The following HPSE2 variants were observed in gnomAD, a reference collection of about 807,000 sequenced individuals.
The protein encoded by HPSE2 is heparanase 2 (inactive).
HPSE2 carries 38 observed loss-of-function variants against 60.5 expected under a neutral mutation model. The observed-to-expected ratio is 0.63, with a 90% CI of 0.48 to 0.82. The LOEUF is 0.82. Among genes scored for constraint, HPSE2 ranks in the 40% least tolerant of loss-of-function variants. HPSE2 has a pLI of 0.00. For missense variants in HPSE2, 713 were observed against 740.4 expected (o/e 0.96, Z 0.43); for synonymous variants, 295 against 293.2 (o/e 1.01, Z -0.06).
intron 7 of HPSE2, among the ~76,000 whole-genome samples, chr10:98,621,729 C>T (rs1346760039): frequency 6.6e-6 from 1 of 152,236 alleles, no homozygotes; most frequent in Non-Finnish European, 1.5e-5. Flanking sequence ...GACCATTAAC[C>T]CCTTGCCCCT....
intron 11 of HPSE2, among the ~76,000 whole-genome samples, chr10:98,472,296 T>C (rs925558076): frequency 2.0e-5 from 3 of 152,102 alleles, no homozygotes; most frequent in Non-Finnish European, 4.4e-5. Context: ...GTGTTTAGAG[T>C]AAGTACCACT....
At chr10:99,098,885 G>A (rs1299332250) in intron 3 of HPSE2, among the ~76,000 whole-genome samples, 1 of 152,162 alleles carries the variant, frequency 6.6e-6, no homozygotes, top group African/African-American at 2.4e-5. Context: ...TCATAAACTA[G>A]TACATAAAGA....
intron 3 of HPSE2, among the ~76,000 whole-genome samples, chr10:98,827,443 T>C (rs1459702401): frequency 6.6e-6 from 1 of 152,150 alleles, no homozygotes; most frequent in East Asian, 1.9e-4. Context: ...CCTGACTTCG[T>C]GATCCGCCCA....
At chr10:98,829,092 G>A (rs1462177107) in intron 3 of HPSE2, among the ~76,000 whole-genome samples, 2 of 152,132 alleles carry the variant, frequency 1.3e-5, no homozygotes, top group African/African-American at 2.4e-5. Flanking sequence ...CTCAGAAAAG[G>A]GCAAATACTG....
At chr10:98,809,323 A>G (rs1053679349) in intron 3 of HPSE2, among the ~76,000 whole-genome samples, 11 of 152,132 alleles carry the variant, frequency 7.2e-5, no homozygotes, top group South Asian at 4.2e-4. Context: ...ACTTTTTTGC[A>G]TATGTTTAAA....
At chr10:99,114,819 CAGG>C (rs1236152339) in intron 3 of HPSE2, among the ~76,000 whole-genome samples, 1 of 146,386 alleles carries the variant, frequency 6.8e-6, no homozygotes, top group African/African-American at 2.5e-5. Context: ...GAGGCTGAGG[CAGG>C]AGAATGGCGT....
chr10:98,557,942 T>C (rs1025581781), intron 9 of HPSE2, among the ~76,000 whole-genome samples: 2 of 152,074 alleles, frequency 1.3e-5, no homozygotes, highest in African/African-American at 2.4e-5. Context: ...ATCCAGAATA[T>C]ATAAAGAAAA....
At chr10:99,140,042 T>C (rs1459799207) in intron 3 of HPSE2, among the ~76,000 whole-genome samples, 1 of 152,228 alleles carries the variant, frequency 6.6e-6, no homozygotes, top group Non-Finnish European at 1.5e-5. Flanking sequence ...TAATCACTTT[T>C]CAAGGTGTTT....
intron 2 of HPSE2, among the ~76,000 whole-genome samples, chr10:99,163,214 A>C (rs1846917897): frequency 6.6e-6 from 1 of 151,922 alleles, no homozygotes; most frequent in African/African-American, 2.4e-5. Context: ...CCATCTCAAA[A>C]AAAAAAAAAA....
chr10:98,754,441 A>AT (rs1474722587), intron 3 of HPSE2, among the ~76,000 whole-genome samples: 1 of 151,886 alleles, frequency 6.6e-6, no homozygotes, highest in Non-Finnish European at 1.5e-5. Flanking sequence ...ATATTTGAGG[A>AT]TTTTTTCCAT....
At chr10:98,596,937 T>A (rs1171386858) in intron 9 of HPSE2, among the ~76,000 whole-genome samples, 2 of 152,172 alleles carry the variant, frequency 1.3e-5, no homozygotes, top group Non-Finnish European at 2.9e-5. Context: ...GAGGTTTAAT[T>A]GACTCACAGT....
intron 3 of HPSE2, among the ~76,000 whole-genome samples, chr10:98,842,993 A>C (rs1445479771): frequency 6.6e-6 from 1 of 151,952 alleles, no homozygotes; most frequent in Non-Finnish European, 1.5e-5. Flanking sequence ...GTATACATTT[A>C]TGTTTCCTCC....
chr10:99,048,901 A>G (rs1172892879), intron 3 of HPSE2, among the ~76,000 whole-genome samples: 1 of 152,224 alleles, frequency 6.6e-6, no homozygotes, highest in African/African-American at 2.4e-5. Context: ...TGCAGCTATA[A>G]AAAAGAATCA....
chr10:99,239,759 A>G (rs1849913703), upstream of HPSE2, among the ~76,000 whole-genome samples: 1 of 151,900 alleles, frequency 6.6e-6, no homozygotes, highest in Non-Finnish European at 1.5e-5. Flanking sequence ...ATTATCTAGT[A>G]AGGACCTTAA....
At chr10:98,546,520 C>A (rs1310775787) in intron 9 of HPSE2, among the ~76,000 whole-genome samples, 2 of 151,842 alleles carry the variant, frequency 1.3e-5, no homozygotes, top group East Asian at 3.9e-4. Context: ...ACTATCTGAT[C>A]TTTGACAAAC....
At chr10:99,148,842 G>C (rs1356464194) in intron 2 of HPSE2, among the ~76,000 whole-genome samples, 1 of 151,912 alleles carries the variant, frequency 6.6e-6, no homozygotes, top group South Asian at 2.1e-4. Context: ...TTGAAACTAT[G>C]ATTCAATGGA....
intron 3 of HPSE2, among the ~76,000 whole-genome samples, chr10:99,099,769 G>A (rs978781569): frequency 8.5e-5 from 13 of 152,230 alleles, no homozygotes; most frequent in South Asian, 2.1e-4. Flanking sequence ...CACCTCACAC[G>A]GCTGGGTATC....
intron 6 of HPSE2, among the ~76,000 whole-genome samples, chr10:98,643,468 G>A (rs1284375820): frequency 6.6e-6 from 1 of 152,168 alleles, no homozygotes; most frequent in African/African-American, 2.4e-5. Context: ...GGGGGTACAT[G>A]TATTTGAAAA....
At chr10:98,711,480 C>T (rs1948674885) in intron 5 of HPSE2, among the ~76,000 whole-genome samples, 2 of 152,056 alleles carry the variant, frequency 1.3e-5, no homozygotes, top group South Asian at 4.1e-4. Flanking sequence ...CACTGAATAG[C>T]AAGAGCATGG....
Sources: allele counts gnomAD v4.1 joint callset (sites outside exome capture counted in the v4.1 genomes callset), GRCh38; gene constraint gnomAD v4.1.1; transcripts MANE v1.5; gene names NCBI Gene and HGNC (gene_info 2026-07-23, HGNC 2026-07-21).